The following ENTPD5 variants were observed in gnomAD, a reference collection of about 807,000 sequenced individuals.
ENTPD5 encodes ectonucleoside triphosphate diphosphohydrolase 5 (inactive), also known as nucleoside diphosphate phosphatase ENTPD5.
In ENTPD5, 49 loss-of-function variants were observed where a neutral mutation model predicts 60.2. The observed-to-expected ratio is 0.81, with a 90% CI of 0.65 to 1.03. ENTPD5 has a LOEUF of 1.03. ENTPD5 is among the 50% of genes least tolerant of loss of function. The probability of loss-of-function intolerance (pLI) is 0.00; values close to 1 mark genes in which losing one functional copy is unlikely to be tolerated. For synonymous variants in ENTPD5, 187 were observed against 185.4 expected (o/e 1.01, Z -0.07); for missense variants, 480 against 507.6 (o/e 0.95, Z 0.52).
chr14:74,014,977 G>A (rs1216110157), intron 2 of ENTPD5, among the ~76,000 whole-genome samples: 13 of 151,902 alleles, frequency 8.6e-5, no homozygotes, highest in Admixed American at 6.6e-5. Context: ...AGCTACTCGG[G>A]AGGCTGAGGC....
intron 13 of ENTPD5, among the ~76,000 whole-genome samples, chr14:73,972,133 C>T (rs751703125): frequency 4.0e-5 from 6 of 150,896 alleles, no homozygotes; most frequent in African/African-American, 1.5e-4. Flanking sequence ...AATCCCAGCA[C>T]TTTGGGAGGC....
At chr14:73,960,969 T>C, downstream of ENTPD5, 1 of 680,834 alleles carries the variant, frequency 1.5e-6, no homozygotes, top group Non-Finnish European at 2.6e-6. Flanking sequence ...CCAGCTCATG[T>C]ACAGTTTGGC....
intron 3 of ENTPD5, chr14:73,996,404 G>A (rs2058343810): frequency 6.4e-6 from 1 of 155,722 alleles, no homozygotes; most frequent in African/African-American, 2.4e-5. Flanking sequence ...ACTCATTTCT[G>A]TGTTTTTGTT....
chr14:73,996,062 G>A (rs2058332399), intron 3 of ENTPD5: 1 of 835,262 alleles, frequency 1.2e-6, no homozygotes, highest in Non-Finnish European at 1.4e-6. Context: ...CCGGAAGCCT[G>A]AGAGACCACA....
intron 6 of ENTPD5, among the ~76,000 whole-genome samples, chr14:73,979,870 C>T (rs1401076803): frequency 1.3e-5 from 2 of 151,814 alleles, no homozygotes; most frequent in East Asian, 3.9e-4. Flanking sequence ...GGATAAGTGA[C>T]TTAAGTCCTC....
At chr14:73,976,978 T>G (rs369195293) in intron 8 of ENTPD5, 46 bp downstream of exon 8, 1 of 1,493,228 alleles carries the variant, frequency 6.7e-7, no homozygotes, top group Non-Finnish European at 9.3e-7. Flanking sequence ...TGACTATGCA[T>G]GTAAAAGCTA....
At chr14:73,992,644 A>G (rs2058179593) in intron 3 of ENTPD5, among the ~76,000 whole-genome samples, 1 of 150,762 alleles carries the variant, frequency 6.6e-6, no homozygotes, top group Non-Finnish European at 1.5e-5. Flanking sequence ...AGATTGTGCC[A>G]CTGAACTCCA....
chr14:73,988,509 ATTGT>A (rs566593119), intron 3 of ENTPD5, among the ~76,000 whole-genome samples: 149 of 152,364 alleles, frequency 9.8e-4, no homozygotes, highest in African/African-American at 3.2e-3. Flanking sequence ...AACATTTATC[ATTGT>A]TTGTGTTGGA....
chr14:73,966,930 A>G lies in ENTPD5; in HGVS notation c.1285T>C (p.Ter429ArgextTer22), dbSNP rs1383057778. 2 of 1,613,556 alleles carry G rather than the reference A, an allele frequency of 1.2e-6. No individual in the cohort carries two copies. The highest frequency in any genetic ancestry group is 1.7e-6 in the Non-Finnish European group (2 of 1,179,434). Reference sequence around the variant, plus strand: ...GGTCTCCAAGGAAGTACGTGGCCTCAATGGGAGATGCCCAGAGACTGCAAC... The same window carrying G: ...GGTCTCCAAGGAAGTACGTGGCCTCGATGGGAGATGCCCAGAGACTGCAAC... ...HLLQSLGISH* is the reference protein window; with the variant it reads ...HLLQSLGISHR The change falls in exon 16 of 16, where the codon TGA becomes CGA. Residue 429 changes from the stop codon to arginine (R), a stop_lost. Coordinates refer to ENST00000334696, the MANE Select transcript of ENTPD5 (RefSeq NM_001249.5).
intron 2 of ENTPD5, among the ~76,000 whole-genome samples, chr14:74,014,380 T>TCC (rs59571519): frequency 1.4e-5 from 2 of 142,042 alleles, no homozygotes; most frequent in Admixed American, 7.1e-5. Flanking sequence ...CAGTCTTTAC[T>TCC]CCCCCCCCCC....
At chr14:73,982,115 C>T (rs1002850343) in intron 6 of ENTPD5, among the ~76,000 whole-genome samples, 4 of 152,150 alleles carry the variant, frequency 2.6e-5, no homozygotes, top group Admixed American at 6.5e-5. Context: ...CGCTCTGTTG[C>T]GCAGGCTGGA....
chr14:73,959,427 T>C (rs113814754), downstream of ENTPD5: 4 of 1,614,220 alleles, frequency 2.5e-6, no homozygotes, highest in Non-Finnish European at 2.5e-6. Context: ...CTCAGACACC[T>C]TGAGTTCCTT....
intron 1 of ENTPD5, among the ~76,000 whole-genome samples, chr14:74,017,686 G>C (rs1452649661): frequency 1.3e-5 from 2 of 151,604 alleles, no homozygotes; most frequent in Non-Finnish European, 2.9e-5. Flanking sequence ...AGGAGTTCAA[G>C]ACCAGCCTGG....
downstream of ENTPD5, chr14:73,961,482 T>G (rs371613250): frequency 2.7e-5 from 43 of 1,614,076 alleles, no homozygotes; most frequent in Non-Finnish European, 3.4e-5. Flanking sequence ...TCCATCCGCT[T>G]GCAGGACAGG....
At chr14:73,991,404 G>A (rs1257522498) in intron 3 of ENTPD5, among the ~76,000 whole-genome samples, 1 of 151,826 alleles carries the variant, frequency 6.6e-6, no homozygotes, top group Admixed American at 6.6e-5. Flanking sequence ...CCTGGCCAAC[G>A]TGGTGAAACC....
At chr14:73,985,585 G>C in intron 5 of ENTPD5, among the ~76,000 whole-genome samples, 1 of 152,042 alleles carries the variant, frequency 6.6e-6, no homozygotes, top group East Asian at 1.9e-4. Flanking sequence ...TTTTTGATGG[G>C]GTTGTTTGAT....
intron 1 of ENTPD5, among the ~76,000 whole-genome samples, chr14:74,017,406 C>A (rs923564847): frequency 5.9e-5 from 9 of 151,518 alleles, no homozygotes; most frequent in African/African-American, 1.9e-4. Flanking sequence ...ATGGAGAAAC[C>A]CTGTCTCTAC....
intron 2 of ENTPD5, among the ~76,000 whole-genome samples, chr14:74,011,560 G>C (rs1368777069): frequency 6.6e-6 from 1 of 152,180 alleles, no homozygotes; most frequent in Non-Finnish European, 1.5e-5. Context: ...ATTTTGGGAA[G>C]TCAAGGCAGG....
At chr14:73,960,584 A>G (rs549987655), downstream of ENTPD5, 170 of 1,033,964 alleles carry the variant, frequency 1.6e-4, no homozygotes, top group South Asian at 3.5e-3. Context: ...GGTCCTCTGC[A>G]GTGCAGTCAT....
Sources: allele counts gnomAD v4.1 joint callset (sites outside exome capture counted in the v4.1 genomes callset), GRCh38; gene constraint gnomAD v4.1.1; transcripts MANE v1.5; gene names NCBI Gene and HGNC (gene_info 2026-07-23, HGNC 2026-07-21).